The following KCNK2 variants were observed in gnomAD, a reference collection of about 807,000 sequenced individuals.
KCNK2 encodes the protein potassium channel subfamily K member 2.
Under a neutral mutation model 40.5 loss-of-function variants are expected in KCNK2, and 21 were observed. The ratio of observed to expected loss-of-function variants is 0.52; its 90% confidence interval spans 0.37 to 0.75. The LOEUF is 0.75. Among genes scored for constraint, KCNK2 ranks in the 30% least tolerant of loss-of-function variants. The pLI, the probability that KCNK2 is intolerant of heterozygous loss-of-function variation, is 0.00. For synonymous variants in KCNK2, 191 were observed against 202.2 expected (o/e 0.94, Z 0.47); for missense variants, 399 against 531.6 (o/e 0.75, Z 2.45).
intron 2 of KCNK2, among the ~76,000 whole-genome samples, chr1:215,109,359 G>A (rs753063484): frequency 2.6e-5 from 4 of 151,082 alleles, no homozygotes; most frequent in East Asian, 3.9e-4. Flanking sequence ...CCCCTCTCCC[G>A]CCCACACACC....
chr1:215,115,351 T>G (rs1660885581), intron 2 of KCNK2, among the ~76,000 whole-genome samples: 1 of 152,150 alleles, frequency 6.6e-6, no homozygotes, highest in Admixed American at 6.5e-5. Flanking sequence ...TTTTCCAAAT[T>G]TAGGAACCCT....
At chr1:215,183,975 T>A (rs776577872) in intron 5 of KCNK2, among the ~76,000 whole-genome samples, 1 of 152,188 alleles carries the variant, frequency 6.6e-6, no homozygotes, top group South Asian at 2.1e-4. Context: ...GGGACACTTT[T>A]ATGAACAAAG....
intron 3 of KCNK2, among the ~76,000 whole-genome samples, chr1:215,147,408 A>G (rs926265068): frequency 6.6e-6 from 1 of 152,246 alleles, no homozygotes; most frequent in African/African-American, 2.4e-5. Flanking sequence ...AAATTCTAAA[A>G]TGAACAGATC....
chr1:215,076,189 T>C (rs562309228), intron 1 of KCNK2, among the ~76,000 whole-genome samples: 2 of 152,306 alleles, frequency 1.3e-5, no homozygotes, highest in South Asian at 4.1e-4. Context: ...CTTTGAAAAA[T>C]TGCCTTCTTA....
chr1:215,204,043 A>C (rs1665201592), intron 6 of KCNK2, among the ~76,000 whole-genome samples: 1 of 145,770 alleles, frequency 6.9e-6, no homozygotes, highest in African/African-American at 2.6e-5. Context: ...GTCTCAAAAA[A>C]AAAAAAAAAA....
chr1:215,036,759 T>G (rs1571862152), intron 1 of KCNK2, among the ~76,000 whole-genome samples: 1 of 151,922 alleles, frequency 6.6e-6, no homozygotes, highest in East Asian at 1.9e-4. Context: ...AAATTTTCCC[T>G]TGGTATTTCA....
At chr1:215,048,974 A>G (rs1362441391) in intron 1 of KCNK2, among the ~76,000 whole-genome samples, 1 of 152,194 alleles carries the variant, frequency 6.6e-6, no homozygotes, top group Non-Finnish European at 1.5e-5. Context: ...ACATTGTATT[A>G]GGTGTTTGTG....
chr1:215,232,887 C>A lies in KCNK2; in HGVS notation c.964-1941C>A, dbSNP rs543410903. 1.4e-4 allele frequency among the ~76,000 whole-genome samples: 21 copies of A among 152,206 alleles called. No individual in the cohort carries two copies. In the South Asian group the frequency reaches 3.9e-3, roughly 29 times the overall value. ...TCTGACTGTGCCCCAAGACTTGAGA[C>A]ATGACTTAGGTAAAAAATAGAAAAA... On this transcript the variant is annotated intron_variant, in intron 6 of 6. Transcript: ENST00000444842.
chr1:215,043,868 C>T (rs1657650604), intron 1 of KCNK2, among the ~76,000 whole-genome samples: 2 of 152,082 alleles, frequency 1.3e-5, no homozygotes, highest in Non-Finnish European at 2.9e-5. Flanking sequence ...AAGTTAGATT[C>T]TTCCCCCAAA....
At position 215,210,653 on chromosome 1, in the gene KCNK2, G is replaced by T. The variant is rs558982357; in HGVS notation, c.963+15561G>T. On this transcript the variant is annotated intron_variant, in intron 6 of 6. Transcript: ENST00000444842. Reference sequence around the variant, plus strand: ...GAATACAGTTTTATATATATATAGAGAGAGAGTAGCATTCTCCCTCAAGGA... The same window carrying T: ...GAATACAGTTTTATATATATATAGATAGAGAGTAGCATTCTCCCTCAAGGA... Among the ~76,000 whole-genome samples the T allele has an allele frequency of 5.3e-5, 8 of 152,106 alleles. No homozygotes were observed. The South Asian group carries it at 1.2e-3, about 24-fold the overall frequency.
At chr1:215,007,189 A>ATGTG (rs1291327035) in intron 1 of KCNK2, among the ~76,000 whole-genome samples, 8 of 22,886 alleles carry the variant, frequency 3.5e-4, no homozygotes, top group Admixed American at 1.2e-3. Context: ...GTGTGGGTAT[A>ATGTG]TATATATATA....
intron 3 of KCNK2, among the ~76,000 whole-genome samples, chr1:215,166,750 G>T (rs760426863): frequency 6.6e-6 from 1 of 151,694 alleles, no homozygotes; most frequent in Non-Finnish European, 1.5e-5. Context: ...TCCCACTAAG[G>T]CTAGAAAATA....
intron 1 of KCNK2, among the ~76,000 whole-genome samples, chr1:215,066,857 C>T (rs528310636): frequency 6.6e-6 from 1 of 152,056 alleles, no homozygotes; most frequent in Admixed American, 6.6e-5. Flanking sequence ...CTCTGCATGT[C>T]TCAACATGCG....
chr1:215,093,625 A>G (rs1659804932), intron 2 of KCNK2, among the ~76,000 whole-genome samples: 1 of 103,386 alleles, frequency 9.7e-6, no homozygotes, highest in Non-Finnish European at 1.7e-5. Flanking sequence ...TATATAATAT[A>G]GAATATATAT....
At chr1:215,217,468 A>G (rs1486188497) in intron 6 of KCNK2, among the ~76,000 whole-genome samples, 1 of 152,198 alleles carries the variant, frequency 6.6e-6, no homozygotes, top group Non-Finnish European at 1.5e-5. Context: ...ACAAAGAACC[A>G]CAAAATGAAG....
At chr1:215,231,255 A>C (rs1285763481) in intron 6 of KCNK2, among the ~76,000 whole-genome samples, 8 of 152,224 alleles carry the variant, frequency 5.3e-5, no homozygotes, top group African/African-American at 1.9e-4. Context: ...TGCTACAAAA[A>C]TGCAAAGGTT....
At chr1:215,069,335 T>C (rs760759189) in intron 1 of KCNK2, among the ~76,000 whole-genome samples, 1 of 152,202 alleles carries the variant, frequency 6.6e-6, no homozygotes, top group Non-Finnish European at 1.5e-5. Flanking sequence ...TGGAGGGTCC[T>C]CTCCTTTCTG....
intron 1 of KCNK2, among the ~76,000 whole-genome samples, chr1:215,019,464 T>C (rs180757977): frequency 1.8e-4 from 27 of 152,344 alleles, no homozygotes; most frequent in Middle Eastern, 3.4e-3. Flanking sequence ...TGTCAGTTGT[T>C]CATGACAATG....
chr1:215,210,638 T>A (rs1665701598), intron 6 of KCNK2, among the ~76,000 whole-genome samples: 1 of 151,834 alleles, frequency 6.6e-6, no homozygotes, highest in Admixed American at 6.6e-5. Flanking sequence ...GAATACAGTT[T>A]TATATATATA....
Sources: allele counts gnomAD v4.1 joint callset (sites outside exome capture counted in the v4.1 genomes callset), GRCh38; gene constraint gnomAD v4.1.1; transcripts MANE v1.5; gene names NCBI Gene and HGNC (gene_info 2026-07-23, HGNC 2026-07-21).